Variants in LIPI observed in about 807,000 individuals in gnomAD.
LIPI encodes the protein lipase member I.
Under a neutral mutation model 50.6 loss-of-function variants are expected in LIPI, and 59 were observed. That is an observed-to-expected ratio of 1.16 (90% confidence interval 0.94 to 1.45). The LOEUF (loss-of-function observed/expected upper bound fraction) is 1.45, where lower values mean the gene tolerates loss of function less well. LIPI is among the 40% of genes most tolerant of loss of function. The pLI, the probability that LIPI is intolerant of heterozygous loss-of-function variation, is 0.00. For missense variants in LIPI, 586 were observed against 536.3 expected, an observed-to-expected ratio of 1.09 and a Z score of -0.92; for synonymous variants, 203 against 178.2, an observed-to-expected ratio of 1.14 and a Z score of -1.11.
chr21:14,178,583 GT>G (rs1326435020), intron 4 of LIPI, among the ~76,000 whole-genome samples: 1 of 151,894 alleles, frequency 6.6e-6, no homozygotes, highest in Non-Finnish European at 1.5e-5. Context: ...CTAATTTTTT[GT>G]TAAATTTTTC....
intron 7 of LIPI, among the ~76,000 whole-genome samples, chr21:14,163,058 T>C (rs1173573974): frequency 2.0e-5 from 3 of 148,886 alleles, no homozygotes; most frequent in Middle Eastern, 3.5e-3. Flanking sequence ...TATATATTAA[T>C]AATCTAGTTT....
chr21:14,108,895 A>G lies in LIPI; in HGVS notation c.*98T>C, dbSNP rs10432766. The G allele has an allele frequency of 5.0e-5, 72 of 1,429,096 alleles. 1 individual carries two copies. The highest frequency in any genetic ancestry group is 3.0e-4 in the East Asian group (13 of 43,536). The allele number at this position is 1,429,096 out of a possible 1,614,324, so 88.5% of individuals were successfully genotyped here. ...TTTTCCAAGAAATAGAAATACTTGA[A>G]TCTCAAATTGAACAGTGCATTATAA... On this transcript the variant is annotated 3_prime_UTR_variant, in exon 10 of 10. Transcript: ENST00000681601.
chr21:14,139,789 C>T (rs1180436767), intron 9 of LIPI, among the ~76,000 whole-genome samples: 1 of 152,072 alleles, frequency 6.6e-6, no homozygotes, highest in Non-Finnish European at 1.5e-5. Flanking sequence ...AGAAAGTTAG[C>T]CATCGGCACT....
At chr21:14,194,943 A>G (rs939044920) in intron 1 of LIPI, among the ~76,000 whole-genome samples, 1 of 152,184 alleles carries the variant, frequency 6.6e-6, no homozygotes, top group African/African-American at 2.4e-5. Flanking sequence ...GATAAACTAT[A>G]TGGGAAAAAA....
At chr21:14,209,592 A>G (rs974188697) in intron 1 of LIPI, among the ~76,000 whole-genome samples, 2 of 152,172 alleles carry the variant, frequency 1.3e-5, no homozygotes, top group Non-Finnish European at 2.9e-5. Context: ...TAAAAGTTCT[A>G]CTATTGTATT....
chr21:14,110,310 T>G (rs1035128137), intron 9 of LIPI, among the ~76,000 whole-genome samples: 1 of 151,624 alleles, frequency 6.6e-6, no homozygotes, highest in Non-Finnish European at 1.5e-5. Context: ...TTTTTGCCAT[T>G]AATATAGAGG....
Position 14,163,474 on chromosome 21 carries a change from T to C in LIPI, c.951A>G (p.Gly317=). The change falls in exon 7 of 10, where the codon GGA becomes GGG. Residue 317 remains glycine (G), a synonymous_variant. Transcript: ENST00000681601. ...AAAACACAGTGGTCCTAAGAGGTCT[T>C]CCTTCCATCCTTTCTTTTAAAACAC... ...FKGVLKERME[G]RPLRTTVFLD... is the part of the protein sequence containing the mutation. 1 of 1,591,252 alleles carries C rather than the reference T, an allele frequency of 6.3e-7. No individual in the cohort carries two copies. Among genetic ancestry groups the C allele is most frequent in the Non-Finnish European group, 8.6e-7 (1 of 1,159,520 alleles).
chr21:14,159,389 A>G (rs919660502), intron 7 of LIPI, among the ~76,000 whole-genome samples: 2 of 151,520 alleles, frequency 1.3e-5, no homozygotes, highest in African/African-American at 4.8e-5. Context: ...AACAAACTAA[A>G]GAAAAAAATT....
intron 9 of LIPI, among the ~76,000 whole-genome samples, chr21:14,139,358 A>G (rs2017621017): frequency 6.6e-6 from 1 of 152,152 alleles, no homozygotes; most frequent in Non-Finnish European, 1.5e-5. Context: ...GGGAAGAGAT[A>G]TATTATGTCT....
chr21:14,182,269 A>C (rs1317026581), intron 3 of LIPI, among the ~76,000 whole-genome samples: 1 of 152,194 alleles, frequency 6.6e-6, no homozygotes, highest in African/African-American at 2.4e-5. Context: ...TAGACCTGAA[A>C]AGCTTTTTTA....
intron 9 of LIPI, among the ~76,000 whole-genome samples, chr21:14,141,548 T>C (rs2017708886): frequency 6.6e-6 from 1 of 152,210 alleles, no homozygotes; most frequent in Non-Finnish European, 1.5e-5. Context: ...TTATAAATCT[T>C]TTAAAAAGTC....
intron 4 of LIPI, among the ~76,000 whole-genome samples, chr21:14,175,311 T>C (rs1600899902): frequency 6.6e-6 from 1 of 152,212 alleles, no homozygotes; most frequent in Admixed American, 6.5e-5. Flanking sequence ...ATTTTAAGCA[T>C]GTGGCTTCTT....
intron 4 of LIPI, among the ~76,000 whole-genome samples, chr21:14,169,375 T>A (rs2018810472): frequency 6.6e-6 from 1 of 152,150 alleles, no homozygotes; most frequent in South Asian, 2.1e-4. Flanking sequence ...AATAGACATC[T>A]ACAGAACTCT....
intron 9 of LIPI, among the ~76,000 whole-genome samples, chr21:14,113,067 A>G (rs1196359614): frequency 2.0e-5 from 3 of 152,226 alleles, no homozygotes; most frequent in Non-Finnish European, 2.9e-5. Flanking sequence ...ATAAATTTTG[A>G]AAGCAGGACC....
intron 1 of LIPI, among the ~76,000 whole-genome samples, chr21:14,208,811 G>A (rs988352481): frequency 6.6e-5 from 10 of 152,174 alleles, no homozygotes; most frequent in Admixed American, 2.6e-4. Flanking sequence ...CAGCACTTTG[G>A]GAGGCTGAGA....
intron 9 of LIPI, among the ~76,000 whole-genome samples, chr21:14,124,056 G>C (rs976152663): frequency 6.6e-6 from 1 of 152,160 alleles, no homozygotes; most frequent in Admixed American, 6.5e-5. Flanking sequence ...TGGTTTGGAG[G>C]CTTTAAAACT....
intron 1 of LIPI, among the ~76,000 whole-genome samples, chr21:14,191,309 G>C (rs1162752009): frequency 6.7e-6 from 1 of 148,976 alleles, no homozygotes; most frequent in African/African-American, 2.5e-5. Context: ...CCCGGGAGGC[G>C]GAGCTTGCAG....
intron 9 of LIPI, 168 bp downstream of exon 9, chr21:14,144,455 C>T: frequency 2.3e-6 from 1 of 436,082 alleles, no homozygotes; most frequent in Non-Finnish European, 4.2e-6. Context: ...TTATTAAAGC[C>T]AAAAAAACCT....
Position 14,108,960 on chromosome 21 carries a change from C to T in LIPI, c.*33G>A. ...TGTTTCATTTACAAGTCCATTAATTCACAAGCAAGTGCATTTGATGGAAGA... is the reference window on the plus strand; with the variant it reads ...TGTTTCATTTACAAGTCCATTAATTTACAAGCAAGTGCATTTGATGGAAGA... On this transcript the variant is annotated 3_prime_UTR_variant, in exon 10 of 10. Coordinates refer to ENST00000681601, the MANE Select transcript of LIPI (RefSeq NM_001302998.2). 1 of 1,610,176 alleles carries T rather than the reference C, an allele frequency of 6.2e-7. No homozygotes were observed.
Sources: gnomAD v4.1 joint callset for allele counts (sites outside exome capture counted in the v4.1 genomes callset) on GRCh38, gnomAD v4.1.1 for gene constraint, MANE v1.5 for transcripts, NCBI Gene and HGNC (gene_info 2026-07-23, HGNC 2026-07-21) for gene names.